USP34: variants seen among roughly 807,000 people sequenced by gnomAD.
The protein encoded by USP34 is ubiquitin carboxyl-terminal hydrolase 34.
A neutral mutation model predicts 460.3 loss-of-function variants in USP34; 70 were observed. The ratio of observed to expected loss-of-function variants is 0.15; its 90% confidence interval spans 0.13 to 0.19. The LOEUF (loss-of-function observed/expected upper bound fraction) is 0.19, where lower values mean the gene tolerates loss of function less well. Ranked by LOEUF, USP34 falls within the 10% of genes least tolerant of loss-of-function variation. The pLI is 1.00. For missense variants in USP34, 3,985 were observed against 4,236.2 expected (o/e 0.94, Z 1.65); for synonymous variants, 1,647 against 1,405.3 (o/e 1.17, Z -3.85).
chr2:61,235,431 T>A (rs1688039475), intron 57 of USP34, among the ~76,000 whole-genome samples: 1 of 151,678 alleles, frequency 6.6e-6, no homozygotes, highest in African/African-American at 2.4e-5. Context: ...GTTCAAGCGA[T>A]TCTCCTGCCT....
At chr2:61,310,161 T>C (rs1690542834) in intron 27 of USP34, among the ~76,000 whole-genome samples, 1 of 152,200 alleles carries the variant, frequency 6.6e-6, no homozygotes, top group Non-Finnish European at 1.5e-5. Flanking sequence ...GGTACGTGGA[T>C]TTTCACTTTA....
intron 2 of USP34, among the ~76,000 whole-genome samples, chr2:61,417,739 C>A (rs866729518): frequency 8.6e-5 from 7 of 81,102 alleles, no homozygotes; most frequent in Non-Finnish European, 1.2e-4. Flanking sequence ...TTCTTTTTTT[C>A]TTTTCTTTTT....
At chr2:61,435,114 G>A (rs1694776534) in intron 1 of USP34, among the ~76,000 whole-genome samples, 1 of 151,756 alleles carries the variant, frequency 6.6e-6, no homozygotes, top group Admixed American at 6.6e-5. Flanking sequence ...AACCAGCCTG[G>A]GCAACGTGGT....
In USP34 at chr2:61,449,192, G is replaced by A. The variant is rs181712897; in HGVS notation, c.43+21458C>T. The stretch of plus-strand genomic sequence containing the variant: ...GACAGGAGGGACAAGAGGAGCGCTC[G>A]AACCTGGAAGGCAGAAGTCATGCCA... On this transcript the variant is annotated intron_variant, in intron 1 of 79. Coordinates refer to ENST00000398571, the MANE Select transcript of USP34 (RefSeq NM_014709.4). 3.1e-4 allele frequency among the ~76,000 whole-genome samples: 47 copies of A among 150,876 alleles called. No individual in the cohort carries two copies. In the East Asian group the frequency reaches 5.3e-3, roughly 17 times the overall value.
At chr2:61,440,295 A>G (rs1390542392) in intron 1 of USP34, among the ~76,000 whole-genome samples, 1 of 152,104 alleles carries the variant, frequency 6.6e-6, no homozygotes, top group Non-Finnish European at 1.5e-5. Context: ...AAGGGCTGCC[A>G]TCCCTGCCTC....
At chr2:61,429,356 A>T (rs1694600143) in intron 1 of USP34, among the ~76,000 whole-genome samples, 1 of 152,174 alleles carries the variant, frequency 6.6e-6, no homozygotes, top group Admixed American at 6.5e-5. Context: ...CTGAGGCAGG[A>T]GAATGGCATG....
Position 61,228,927 on chromosome 2 carries a change from G to A in USP34, c.7268C>T (p.Thr2423Ile). The change falls in exon 60 of 80, where the codon ACC becomes ATC. Residue 2423 changes from threonine to isoleucine, a missense_variant. By Grantham distance (89) the Thr-to-Ile change is moderately conservative (BLOSUM62 -1). Transcript: ENST00000398571. Reference protein sequence around the residue: ...GRSCVTRFVRTLLLIMEHGVK... With the variant: ...GRSCVTRFVRILLLIMEHGVK... ...ACCATGTTCCATAATTAATAACAGG[G>A]TTCTCACAAAGCGAGTGACACATGA... The A allele has an allele frequency of 6.2e-7, 1 of 1,610,398 alleles. No individual in the cohort carries two copies. Among genetic ancestry groups the A allele is most frequent in the Non-Finnish European group, 8.5e-7 (1 of 1,178,120 alleles).
intron 1 of USP34, among the ~76,000 whole-genome samples, chr2:61,452,173 CAAAAAAA>C (rs1348958546): frequency 1.5e-5 from 1 of 68,768 alleles, no homozygotes; most frequent in African/African-American, 5.4e-5. Flanking sequence ...GACTCCGTCT[CAAAAAAA>C]AAAAAAAAGA....
intron 12 of USP34, 122 bp downstream of exon 12, chr2:61,350,138 T>G (rs1216115250): frequency 9.2e-7 from 1 of 1,091,798 alleles, no homozygotes; most frequent in Non-Finnish European, 1.3e-6. Context: ...TTATATGCAC[T>G]CTTCTACCCA....
At chr2:61,470,498 C>G (rs1695921706) in intron 1 of USP34, 152 bp downstream of exon 1, 3 of 186,518 alleles carry the variant, frequency 1.6e-5, no homozygotes, top group Non-Finnish European at 3.1e-5. Context: ...CCGCGGCGGC[C>G]GCGCCACCGC....
chr2:61,389,801 G>C (rs888591445), intron 5 of USP34, among the ~76,000 whole-genome samples: 6 of 151,384 alleles, frequency 4.0e-5, no homozygotes, highest in African/African-American at 1.5e-4. Context: ...AGTGCTAATG[G>C]AATTCTAGCA....
chr2:61,285,139 G>A (rs142607519), intron 34 of USP34, among the ~76,000 whole-genome samples, 182 bp from the exon 35 acceptor site: 25 of 152,110 alleles, frequency 1.6e-4, no homozygotes, highest in Admixed American at 5.2e-4. Flanking sequence ...TGAAAATACT[G>A]TAAAAATGCC....
At position 61,229,007 on chromosome 2, in the gene USP34, T is replaced by G; in HGVS notation, c.7200-12A>C. ...CCATATCATCTGACCTAAGAGACAA[T>G]TAAATAGATCTTAGAGAATGTATGA... is the stretch of plus-strand genomic sequence containing the variant. On this transcript the variant is annotated splice_polypyrimidine_tract_variant and intron_variant, in intron 59 of 79. Coordinates refer to ENST00000398571, the MANE Select transcript of USP34 (RefSeq NM_014709.4). The G allele has an allele frequency of 6.5e-7, 1 of 1,540,476 alleles. No individual in the cohort carries two copies. Among genetic ancestry groups the G allele is most frequent in the Non-Finnish European group, 8.8e-7 (1 of 1,142,042 alleles).
chr2:61,390,877 G>A (rs969490588), intron 5 of USP34, among the ~76,000 whole-genome samples: 5 of 150,946 alleles, frequency 3.3e-5, no homozygotes, highest in South Asian at 2.1e-4. Context: ...TGGGGGCATC[G>A]CAAGGTCAAG....
intron 1 of USP34, among the ~76,000 whole-genome samples, chr2:61,421,797 A>G (rs778156): frequency 0.29 from 42,745 of 146,944 alleles, 6,561 homozygotes; most frequent in African/African-American, 0.41. Context: ...ACACACACAC[A>G]CGCGCGCGCG....
chr2:61,409,219 A>G (rs1221021517), intron 2 of USP34, among the ~76,000 whole-genome samples: 1 of 151,726 alleles, frequency 6.6e-6, no homozygotes, highest in African/African-American at 2.4e-5. Context: ...GACTGTCTCA[A>G]AAAACATAAA....
Position 61,411,524 on chromosome 2 carries a change from C to A in USP34, c.132-5396G>T, listed in dbSNP as rs1694039925. ...CAAAGCGAAAGATTGAAATATACTTCTTTTAAATGTCTTTTTATAGCTCTT... is the reference window on the plus strand; with the variant it reads ...CAAAGCGAAAGATTGAAATATACTTATTTTAAATGTCTTTTTATAGCTCTT... On this transcript the variant is annotated intron_variant, in intron 2 of 79. Coordinates refer to ENST00000398571, the MANE Select transcript of USP34 (RefSeq NM_014709.4). Among the ~76,000 whole-genome samples the A allele has an allele frequency of 2.0e-5, 3 of 152,268 alleles. No individual in the cohort carries two copies. In the South Asian group the frequency reaches 6.2e-4, roughly 32 times the overall value.
chr2:61,221,812 T>C (rs570593734), intron 65 of USP34: 56 of 411,738 alleles, frequency 1.4e-4, no homozygotes, highest in Non-Finnish European at 2.2e-4. Flanking sequence ...CCACGTATGA[T>C]AGATTTTTCT....
chr2:61,449,493 G>A (rs1695208703), intron 1 of USP34, among the ~76,000 whole-genome samples: 1 of 141,964 alleles, frequency 7.0e-6, no homozygotes, highest in Non-Finnish European at 1.5e-5. Context: ...GGACCCTGAA[G>A]AGCCAACATA....
Sources: gnomAD v4.1 joint callset for allele counts (sites outside exome capture counted in the v4.1 genomes callset) on GRCh38, gnomAD v4.1.1 for gene constraint, MANE v1.5 for transcripts, NCBI Gene and HGNC (gene_info 2026-07-23, HGNC 2026-07-21) for gene names.